XKR4: variants seen among roughly 807,000 people sequenced by gnomAD.
XKR4 encodes XK related 4.
XKR4 carries 12 observed loss-of-function variants against 53.9 expected under a neutral mutation model. The ratio of observed to expected loss-of-function variants is 0.22; its 90% CI spans 0.14 to 0.36. XKR4 has a LOEUF of 0.36. XKR4 is among the 10% of genes least tolerant of loss of function. The pLI is 1.00. For missense variants in XKR4, 799 were observed against 859.5 expected, an observed-to-expected ratio of 0.93 and a Z score of 0.88; for synonymous variants, 354 against 362.4, an observed-to-expected ratio of 0.98 and a Z score of 0.26.
At chr8:55,231,534 A>C (rs988106400) in intron 1 of XKR4, among the ~76,000 whole-genome samples, 5 of 152,038 alleles carry the variant, frequency 3.3e-5, no homozygotes, top group African/African-American at 1.2e-4. Context: ...GCTTGTTTTT[A>C]TCCCCAGCCT....
intron 1 of XKR4, among the ~76,000 whole-genome samples, chr8:55,133,210 A>G (rs918580686): frequency 6.6e-6 from 1 of 152,262 alleles, no homozygotes; most frequent in African/African-American, 2.4e-5. Context: ...AGATAGTGGA[A>G]TACACAAGAA....
chr8:55,488,609 A>T (rs566380704), intron 2 of XKR4, among the ~76,000 whole-genome samples: 24 of 152,332 alleles, frequency 1.6e-4, no homozygotes, highest in African/African-American at 5.8e-4. Context: ...CGGAATTTCA[A>T]CTATATGATA....
chr8:55,468,686 A>T lies in XKR4; in HGVS notation c.1007-54595A>T, dbSNP rs1805818084. ...CATAATATAAGGATATAAGTTTCTTAAACCTTCCTTGAAGTCTCAGGCATT... is the reference window on the plus strand; with the variant it reads ...CATAATATAAGGATATAAGTTTCTTTAACCTTCCTTGAAGTCTCAGGCATT... On this transcript the variant is annotated intron_variant, in intron 2 of 2. Coordinates refer to ENST00000327381, the MANE Select transcript of XKR4 (RefSeq NM_052898.2). Among the ~76,000 whole-genome samples the T allele has an allele frequency of 4.6e-5, 7 of 152,248 alleles. No individual in the cohort carries two copies. In the South Asian group the frequency reaches 1.4e-3, roughly 32 times the overall value.
In XKR4 at chr8:55,133,249, G is replaced by A. The variant is rs181726278; in HGVS notation, c.806+29955G>A. Among the ~76,000 whole-genome samples, 150 of 152,364 alleles carry A rather than the reference G, an allele frequency of 9.8e-4. No individual in the cohort carries two copies. The Middle Eastern group carries it at 0.01, about 10-fold the overall frequency. On this transcript the variant is annotated intron_variant, in intron 1 of 2. Coordinates refer to ENST00000327381, the MANE Select transcript of XKR4 (RefSeq NM_052898.2). ...TTTAAGAGTCTACAATAAAGGGTAA[G>A]TGTGAGTTTGGAAAGAAAACTTTTT...
chr8:55,196,060 G>A (rs1425081484), intron 1 of XKR4, among the ~76,000 whole-genome samples: 1 of 152,084 alleles, frequency 6.6e-6, no homozygotes, highest in African/African-American at 2.4e-5. Flanking sequence ...TGAGGGTGGT[G>A]TCCTCATGCT....
At chr8:55,515,463 G>T (rs1320430824) in intron 2 of XKR4, among the ~76,000 whole-genome samples, 1 of 152,038 alleles carries the variant, frequency 6.6e-6, no homozygotes, top group Admixed American at 6.6e-5. Flanking sequence ...CAGCCAAGAG[G>T]TTCTACTGCT....
intron 2 of XKR4, among the ~76,000 whole-genome samples, chr8:55,423,069 T>G (rs1385110956): frequency 1.3e-5 from 2 of 152,090 alleles, no homozygotes; most frequent in Non-Finnish European, 1.5e-5. Flanking sequence ...AACACACATC[T>G]TGAAAGTTAT....
rs78181176 is a variant in XKR4, at chr8:55,147,076, T to A, written c.806+43782T>A. 1.9e-4 allele frequency among the ~76,000 whole-genome samples: 29 copies of A among 152,362 alleles called. No individual in the cohort carries two copies. The East Asian group carries it at 5.6e-3, about 29-fold the overall frequency. Reference sequence around the variant, plus strand: ...CCATATGATATGATAGGTCACAGTATTCAACATATTCATACTTATCACTAA... The same window carrying A: ...CCATATGATATGATAGGTCACAGTAATCAACATATTCATACTTATCACTAA... On this transcript the variant is annotated intron_variant, in intron 1 of 2. Coordinates refer to ENST00000327381, the MANE Select transcript of XKR4 (RefSeq NM_052898.2).
intron 1 of XKR4, among the ~76,000 whole-genome samples, chr8:55,236,968 C>T (rs1818135346): frequency 6.6e-6 from 1 of 152,198 alleles, no homozygotes; most frequent in African/African-American, 2.4e-5. Flanking sequence ...AAGCTATCAT[C>T]TATTTATTGT....
At chr8:55,266,839 A>C (rs1818608789) in intron 1 of XKR4, among the ~76,000 whole-genome samples, 1 of 152,184 alleles carries the variant, frequency 6.6e-6, no homozygotes, top group Admixed American at 6.5e-5. Flanking sequence ...AAGCAGAGAC[A>C]AAAAGTGTAT....
intron 1 of XKR4, among the ~76,000 whole-genome samples, chr8:55,105,656 C>T (rs973613026): frequency 1.2e-4 from 18 of 152,170 alleles, no homozygotes; most frequent in African/African-American, 4.3e-4. Context: ...ATCATCTAAT[C>T]TAACTATTCT....
chr8:55,420,691 C>T (rs899754660), intron 2 of XKR4, among the ~76,000 whole-genome samples: 13 of 151,204 alleles, frequency 8.6e-5, no homozygotes, highest in African/African-American at 2.4e-5. Context: ...TGCTAGATGA[C>T]GAGTTAGTGG....
At position 55,341,403 on chromosome 8, in the gene XKR4, A is replaced by G. The variant is rs1803544345; in HGVS notation, c.807-16275A>G. Among the ~76,000 whole-genome samples the G allele has an allele frequency of 2.6e-5, 4 of 152,148 alleles. No individual in the cohort carries two copies. In the South Asian group the frequency reaches 8.3e-4, roughly 32 times the overall value. ...CTCCAGTCCTTTTAGGCTGCCCTGC[A>G]TGAGGTCTACAACAAAACCCTCAGG... On this transcript the variant is annotated intron_variant, in intron 1 of 2. Coordinates refer to ENST00000327381, the MANE Select transcript of XKR4 (RefSeq NM_052898.2).
chr8:55,511,373 A>G (rs1300843755), intron 2 of XKR4, among the ~76,000 whole-genome samples: 1 of 152,186 alleles, frequency 6.6e-6, no homozygotes, highest in African/African-American at 2.4e-5. Flanking sequence ...AAAGCAGACA[A>G]AGGAAGTGTC....
intron 2 of XKR4, among the ~76,000 whole-genome samples, chr8:55,491,194 T>C (rs547293090): frequency 6.6e-6 from 1 of 152,388 alleles, no homozygotes; most frequent in East Asian, 1.9e-4. Context: ...TTTATATCTT[T>C]TCTTTCCTCA....
intron 2 of XKR4, among the ~76,000 whole-genome samples, chr8:55,482,136 G>T (rs998564760): frequency 4.6e-5 from 7 of 152,042 alleles, no homozygotes; most frequent in African/African-American, 1.2e-4. Context: ...GCAAAGACTT[G>T]GAACCAACCC....
At chr8:55,214,539 A>G (rs1254742688) in intron 1 of XKR4, among the ~76,000 whole-genome samples, 1 of 152,242 alleles carries the variant, frequency 6.6e-6, no homozygotes, top group Non-Finnish European at 1.5e-5. Context: ...ACATTTATAC[A>G]GGTACATGGA....
intron 1 of XKR4, among the ~76,000 whole-genome samples, chr8:55,166,235 C>A (rs1817064234): frequency 6.6e-6 from 1 of 152,132 alleles, no homozygotes; most frequent in Admixed American, 6.5e-5. Context: ...AAGGTATATT[C>A]TTTTCTTTTG....
intron 2 of XKR4, among the ~76,000 whole-genome samples, chr8:55,417,746 G>A (rs780851812): frequency 2.0e-5 from 3 of 152,242 alleles, no homozygotes; most frequent in South Asian, 4.2e-4. Flanking sequence ...ACCGCATAAC[G>A]AATGTTCATG....
Sources: gnomAD v4.1 joint callset for allele counts (sites outside exome capture counted in the v4.1 genomes callset) on GRCh38, gnomAD v4.1.1 for gene constraint, MANE v1.5 for transcripts, NCBI Gene and HGNC (gene_info 2026-07-23, HGNC 2026-07-21) for gene names.